The following CBX1 variants were observed in gnomAD, a reference collection of about 807,000 sequenced individuals.
The protein encoded by CBX1 is chromobox 1, also known as chromobox protein homolog 1.
Under a neutral mutation model 25.1 loss-of-function variants are expected in CBX1, and 10 were observed. The observed-to-expected ratio is 0.40, with a 90% CI of 0.25 to 0.68. The LOEUF (loss-of-function observed/expected upper bound fraction) is 0.68. Among genes scored for constraint, CBX1 ranks in the 30% least tolerant of loss-of-function variants. The probability of loss-of-function intolerance (pLI) is 0.40; values close to 1 mark genes in which losing one functional copy is unlikely to be tolerated. For synonymous variants in CBX1, 63 were observed against 79.4 expected (o/e 0.79, Z 1.10); for missense variants, 106 against 218.5 (o/e 0.49, Z 3.25).
At position 48,100,689 on chromosome 17, in the gene CBX1, T is replaced by C. The variant is rs1005216936; in HGVS notation, c.-38+579A>G. The stretch of plus-strand genomic sequence containing the variant: ...TCCAGAGTCAGGCCCAGCAAACGCC[T>C]GCCCCTCCCCCTCCGTGTCCCCTTT... On this transcript the variant is annotated intron_variant, in intron 1 of 4. Transcript: ENST00000225603. The C allele has an allele frequency of 5.1e-6, 5 of 983,822 alleles. No homozygotes were observed. In the African/African-American group the frequency reaches 8.8e-5, roughly 17 times the overall value. The allele number at this position is 983,822 out of a possible 1,614,324, so 60.9% of individuals were successfully genotyped here.
intron 1 of CBX1, among the ~76,000 whole-genome samples, chr17:48,097,935 CAG>C (rs1230624301): frequency 6.6e-6 from 1 of 152,162 alleles, no homozygotes; most frequent in Non-Finnish European, 1.5e-5. Context: ...TCTTTTAAAA[CAG>C]ATATATTCAA....
intron 1 of CBX1, among the ~76,000 whole-genome samples, chr17:48,093,817 G>A (rs777794275): frequency 5.3e-5 from 8 of 152,124 alleles, no homozygotes; most frequent in Non-Finnish European, 1.0e-4. Context: ...CATCTATTAA[G>A]TATTAAGAAG....
intron 1 of CBX1, among the ~76,000 whole-genome samples, chr17:48,098,528 G>C (rs1463101610): frequency 6.6e-6 from 1 of 152,024 alleles, no homozygotes; most frequent in Non-Finnish European, 1.5e-5. Context: ...ACAGAGTTTC[G>C]CTCTTGTTGC....
intron 1 of CBX1, among the ~76,000 whole-genome samples, chr17:48,085,240 C>T (rs746454856): frequency 6.6e-6 from 1 of 152,184 alleles, no homozygotes; most frequent in Non-Finnish European, 1.5e-5. Flanking sequence ...TCAAAACCAT[C>T]CTGTGAGATA....
chr17:48,100,915 A>T (rs1263059196), intron 1 of CBX1: 2 of 985,720 alleles, frequency 2.0e-6, no homozygotes, highest in Non-Finnish European at 2.4e-6. Context: ...CGCCTATCCA[A>T]GCCTCAAGCC....
At chr17:48,076,211 C>T (rs775182370) in intron 2 of CBX1, 33 bp from the exon 3 acceptor site, 11 of 1,491,024 alleles carry the variant, frequency 7.4e-6, no homozygotes, top group Non-Finnish European at 1.0e-5. Context: ...GTCACACTTT[C>T]ACTCAAATAA....
At chr17:48,075,910 C>T in intron 3 of CBX1, 91 bp downstream of exon 3, 1 of 962,758 alleles carries the variant, frequency 1.0e-6, no homozygotes, top group Non-Finnish European at 1.5e-6. Context: ...TAAGAAGAGA[C>T]AGCTGCTAAT....
Position 48,076,990 on chromosome 17 carries a change from T to C in CBX1, c.15A>G (p.Gln5=). The C allele has an allele frequency of 6.2e-7, 1 of 1,613,412 alleles. No homozygotes were observed. The highest frequency in any genetic ancestry group is 8.5e-7 in the Non-Finnish European group (1 of 1,179,734). MGKK[Q]NKKKVEEVLE... is the part of the protein sequence containing the mutation. Reference sequence around the variant, plus strand: ...GCACCTCCTCCACTTTCTTCTTGTTTTGTTTTTTCCCCATAGTGCCCGCCA... The same window carrying C: ...GCACCTCCTCCACTTTCTTCTTGTTCTGTTTTTTCCCCATAGTGCCCGCCA... The change falls in exon 2 of 5, where the codon CAA becomes CAG. Residue 5 remains glutamine (Q), a synonymous_variant. Coordinates refer to ENST00000225603, the MANE Select transcript of CBX1 (RefSeq NM_001127228.2).
chr17:48,087,054 T>G (rs536224952), intron 1 of CBX1, among the ~76,000 whole-genome samples: 9 of 151,526 alleles, frequency 5.9e-5, no homozygotes, highest in Admixed American at 5.9e-4. Context: ...CTGGGCGTGG[T>G]GGCGGGTGCC....
intron 1 of CBX1, among the ~76,000 whole-genome samples, chr17:48,081,822 GCTTT>G (rs2144443418): frequency 6.6e-6 from 1 of 152,284 alleles, no homozygotes; most frequent in African/African-American, 2.4e-5. Context: ...TTCTTCCTGA[GCTTT>G]CTTTACTGGC....
At chr17:48,074,836 T>G (rs1253571067) in intron 4 of CBX1, 170 bp downstream of exon 4, 1 of 608,466 alleles carries the variant, frequency 1.6e-6, no homozygotes, top group African/African-American at 1.8e-5. Flanking sequence ...TACCTGTAAC[T>G]CATGAGTCCA....
At chr17:48,076,381 G>A (rs1233290700) in intron 2 of CBX1, among the ~76,000 whole-genome samples, 1 of 152,190 alleles carries the variant, frequency 6.6e-6, no homozygotes, top group East Asian at 1.9e-4. Context: ...ATTTAAATTG[G>A]TCTGTAGCCA....
At chr17:48,077,095 A>G in intron 1 of CBX1, 54 bp from the exon 2 acceptor site, 2 of 1,399,028 alleles carry the variant, frequency 1.4e-6, no homozygotes, top group South Asian at 1.4e-5. Flanking sequence ...TATTGGTTAG[A>G]TAATATCTGG....
intron 1 of CBX1, among the ~76,000 whole-genome samples, chr17:48,083,980 T>G (rs2037762196): frequency 6.7e-6 from 1 of 150,200 alleles, no homozygotes; most frequent in Admixed American, 6.6e-5. Context: ...TTACAAACAC[T>G]TTACTCATTT....
chr17:48,079,720 C>T (rs1264980745), intron 1 of CBX1, among the ~76,000 whole-genome samples: 1 of 152,052 alleles, frequency 6.6e-6, no homozygotes, highest in Non-Finnish European at 1.5e-5. Context: ...GTTTCAAACT[C>T]CCAGGCTCAA....
intron 1 of CBX1, among the ~76,000 whole-genome samples, chr17:48,086,186 GAA>G (rs1221198575): frequency 1.1e-4 from 16 of 152,316 alleles, no homozygotes; most frequent in African/African-American, 3.8e-4. Context: ...AATTTTAAGA[GAA>G]AGAGTACTGT....
chr17:48,077,732 A>T (rs963894531), intron 1 of CBX1, among the ~76,000 whole-genome samples: 1 of 152,162 alleles, frequency 6.6e-6, no homozygotes, highest in Admixed American at 6.6e-5. Flanking sequence ...CTGCAATCCC[A>T]GCATTTTGGA....
chr17:48,089,556 G>A (rs1223526067), intron 1 of CBX1, among the ~76,000 whole-genome samples: 1 of 151,456 alleles, frequency 6.6e-6, no homozygotes, highest in Non-Finnish European at 1.5e-5. Flanking sequence ...CAGCACGGTG[G>A]CTCACGCCTG....
At position 48,101,301 on chromosome 17, in the gene CBX1, G is replaced by C; in HGVS notation, c.-71C>G. ...AGCGCCCAAGAGCCCGAGAGGAATCGGTGCTGCGCTGCTGGCGCGTCGCGT... is the reference window on the plus strand; with the variant it reads ...AGCGCCCAAGAGCCCGAGAGGAATCCGTGCTGCGCTGCTGGCGCGTCGCGT... On this transcript the variant is annotated 5_prime_UTR_variant, in exon 1 of 5. Coordinates refer to ENST00000225603, the MANE Select transcript of CBX1 (RefSeq NM_001127228.2). 2.0e-6 allele frequency: 2 copies of C among 986,370 alleles called. No individual in the cohort carries two copies. Among genetic ancestry groups the C allele is most frequent in the African/African-American group, 1.7e-5 (1 of 57,382 alleles). 61.1% of individuals were successfully genotyped at this position (986,370 alleles called of 1,614,324 possible).
Sources: allele counts gnomAD v4.1 joint callset (sites outside exome capture counted in the v4.1 genomes callset), GRCh38; gene constraint gnomAD v4.1.1; transcripts MANE v1.5; gene names NCBI Gene and HGNC (gene_info 2026-07-23, HGNC 2026-07-21).